The following TBC1D14 variants were observed in gnomAD, a reference collection of about 807,000 sequenced individuals.
TBC1D14 encodes TBC1 domain family member 14, also known as TBC1 domain family, member 14.
A neutral mutation model predicts 79.0 loss-of-function variants in TBC1D14; 26 were observed. The observed-to-expected ratio is 0.33, with a 90% CI of 0.24 to 0.46. The LOEUF is 0.46. Ranked by LOEUF, TBC1D14 falls within the 20% of genes least tolerant of loss-of-function variation. The pLI is 1.00. For missense variants in TBC1D14, 769 were observed against 887.6 expected, an observed-to-expected ratio of 0.87 and a Z score of 1.70; for synonymous variants, 394 against 349.9, an observed-to-expected ratio of 1.13 and a Z score of -1.40.
chr4:6,987,002 A>C (rs544598321), intron 3 of TBC1D14, among the ~76,000 whole-genome samples: 1 of 152,332 alleles, frequency 6.6e-6, no homozygotes, highest in Non-Finnish European at 1.5e-5. Context: ...TCTTTAAGGC[A>C]GAAGCTGGCT....
chr4:7,006,451 C>CT (rs796267160), intron 8 of TBC1D14, among the ~76,000 whole-genome samples, 181 bp from the exon 9 acceptor site: 5 of 152,328 alleles, frequency 3.3e-5, no homozygotes, highest in African/African-American at 1.2e-4. Flanking sequence ...ATTTTGTTCT[C>CT]TAAGAAACCC....
intron 2 of TBC1D14, among the ~76,000 whole-genome samples, chr4:6,940,065 T>C (rs1712757717): frequency 6.6e-6 from 1 of 152,098 alleles, no homozygotes; most frequent in Admixed American, 6.5e-5. Context: ...AGTCGTATAT[T>C]GGGGCGCAGC....
intron 2 of TBC1D14, among the ~76,000 whole-genome samples, chr4:6,943,665 T>G (rs1048046905): frequency 3.3e-5 from 5 of 152,106 alleles, no homozygotes; most frequent in African/African-American, 1.2e-4. Context: ...CTCCCAGACC[T>G]CTAATGTGGA....
At chr4:6,920,599 CTGTT>C (rs61505601) in intron 1 of TBC1D14, among the ~76,000 whole-genome samples, 10,253 of 152,232 alleles carry the variant, frequency 0.067, 425 homozygotes, top group African/African-American at 0.12. Flanking sequence ...CAGCTCCTCT[CTGTT>C]TGATGATAGC....
At chr4:6,947,324 C>T (rs1451301322) in intron 2 of TBC1D14, among the ~76,000 whole-genome samples, 3 of 152,140 alleles carry the variant, frequency 2.0e-5, no homozygotes, top group East Asian at 3.9e-4. Context: ...GGTGAAACCC[C>T]GTCTCCACTA....
At chr4:7,020,651 A>G (rs572473135) in intron 12 of TBC1D14, among the ~76,000 whole-genome samples, 14 of 152,302 alleles carry the variant, frequency 9.2e-5, no homozygotes, top group Middle Eastern at 3.4e-3. Flanking sequence ...TTTAAGCTAG[A>G]TCTGCTTTTC....
intron 13 of TBC1D14, 77 bp from the exon 14 acceptor site, chr4:7,030,250 T>C: frequency 7.0e-7 from 1 of 1,427,302 alleles, no homozygotes; most frequent in African/African-American, 1.4e-5. Flanking sequence ...AGGAGGCTAC[T>C]GCTGTCTCTG....
intron 2 of TBC1D14, among the ~76,000 whole-genome samples, chr4:6,945,877 C>T (rs1295004273): frequency 6.6e-6 from 1 of 150,982 alleles, no homozygotes; most frequent in Non-Finnish European, 1.5e-5. Context: ...AGTAGGATTA[C>T]CTGGCAAACT....
At chr4:6,982,706 A>AT (rs1717487879) in intron 3 of TBC1D14, among the ~76,000 whole-genome samples, 1 of 152,232 alleles carries the variant, frequency 6.6e-6, no homozygotes, top group South Asian at 2.1e-4. Context: ...GTATAAGGGT[A>AT]TTGATCGCAG....
intron 3 of TBC1D14, among the ~76,000 whole-genome samples, chr4:6,978,847 T>G (rs981264425): frequency 6.6e-6 from 1 of 150,956 alleles, no homozygotes; most frequent in Admixed American, 6.6e-5. Flanking sequence ...CCTATTGAGA[T>G]TGATTTGGGG....
At chr4:6,987,526 A>G (rs145335970) in intron 3 of TBC1D14, 2 of 500,706 alleles carry the variant, frequency 4.0e-6, no homozygotes, top group East Asian at 7.1e-5. Context: ...TCAACAGCCG[A>G]AGCTTGCTGT....
chr4:6,980,359 A>G (rs959941287), intron 3 of TBC1D14, among the ~76,000 whole-genome samples: 2 of 152,174 alleles, frequency 1.3e-5, no homozygotes, highest in African/African-American at 4.8e-5. Context: ...CGAGAACACA[A>G]CATACCAAAA....
At chr4:6,919,680 G>T (rs1723680500) in intron 1 of TBC1D14, among the ~76,000 whole-genome samples, 1 of 151,686 alleles carries the variant, frequency 6.6e-6, no homozygotes, top group South Asian at 2.1e-4. Context: ...GAGTGCAGTG[G>T]TGCTATCTCG....
At chr4:6,949,553 G>A (rs1225994330) in intron 2 of TBC1D14, among the ~76,000 whole-genome samples, 2 of 151,896 alleles carry the variant, frequency 1.3e-5, no homozygotes, top group East Asian at 3.9e-4. Flanking sequence ...TGTAGTAGCA[G>A]GTGCCTGTAA....
At chr4:6,931,690 C>A (rs535675847) in intron 2 of TBC1D14, among the ~76,000 whole-genome samples, 36 of 152,206 alleles carry the variant, frequency 2.4e-4, no homozygotes, top group Non-Finnish European at 4.3e-4. Context: ...CAGCAAATCA[C>A]AACCATAATG....
intron 3 of TBC1D14, among the ~76,000 whole-genome samples, chr4:6,982,109 C>T (rs1409221646): frequency 6.6e-6 from 1 of 152,086 alleles, no homozygotes; most frequent in Non-Finnish European, 1.5e-5. Context: ...AGAATTAGCC[C>T]AGCAATCCCA....
intron 2 of TBC1D14, among the ~76,000 whole-genome samples, chr4:6,925,874 G>T (rs1331939372): frequency 6.6e-6 from 1 of 152,188 alleles, no homozygotes; most frequent in African/African-American, 2.4e-5. Context: ...GCGGACCTCA[G>T]GATCCATCCA....
chr4:7,009,731 T>G, intron 9 of TBC1D14, 146 bp from the exon 10 acceptor site: 2 of 804,734 alleles, frequency 2.5e-6, no homozygotes, highest in Non-Finnish European at 4.2e-6. Context: ...TCCATATGCA[T>G]ATAGAGCTGC....
chr4:6,910,774 T>G (rs1253318556), intron 1 of TBC1D14, among the ~76,000 whole-genome samples: 1 of 152,316 alleles, frequency 6.6e-6, no homozygotes, highest in South Asian at 2.1e-4. Flanking sequence ...TGAAGTCGTT[T>G]CTGTCCTAAA....
Sources: gnomAD v4.1 joint callset for allele counts (sites outside exome capture counted in the v4.1 genomes callset) on GRCh38, gnomAD v4.1.1 for gene constraint, MANE v1.5 for transcripts, NCBI Gene and HGNC (gene_info 2026-07-23, HGNC 2026-07-21) for gene names.